Variants in DUOXA2 observed in about 807,000 individuals in gnomAD.
DUOXA2 encodes the protein dual oxidase maturation factor 2.
DUOXA2 carries 22 observed loss-of-function variants against 27.6 expected under a neutral mutation model. That is an observed-to-expected ratio of 0.80 (90% CI 0.57 to 1.14). The LOEUF (loss-of-function observed/expected upper bound fraction) is 1.14. DUOXA2 is among the 50% of genes most tolerant of loss of function. The pLI, the probability that DUOXA2 is intolerant of heterozygous loss-of-function variation, is 0.00. For synonymous variants in DUOXA2, 188 were observed against 184.4 expected (o/e 1.02, Z -0.16); for missense variants, 481 against 419.9 (o/e 1.15, Z -1.27).
rs1894553843 is a variant in DUOXA2, at chr15:45,114,598, C to G, written c.-8C>G. ...CCGCCTGCGTGCAGCACTCGGCCGG[C>G]GTGCAGCATGACCCTGTGGAACGGC... On this transcript the variant is annotated 5_prime_UTR_variant, in exon 1 of 6. Transcript: ENST00000323030. The G allele has an allele frequency of 6.2e-7, 1 of 1,613,554 alleles. No individual in the cohort carries two copies. The highest frequency in any genetic ancestry group is 8.5e-7 in the Non-Finnish European group (1 of 1,179,966).
In DUOXA2 at chr15:45,117,237, C is replaced by T. The variant is rs1280998645; in HGVS notation, c.701C>T (p.Pro234Leu). 1.2e-6 allele frequency: 2 copies of T among 1,610,500 alleles called. No individual in the cohort carries two copies. The highest frequency in any genetic ancestry group is 1.7e-6 in the Non-Finnish European group (2 of 1,179,584). ...TCCATCTCTAGCGTGCCGCTCTGCCCGCTCCGCCTAGGCTCCTCCGCGCTC... is the reference window on the plus strand; with the variant it reads ...TCCATCTCTAGCGTGCCGCTCTGCCTGCTCCGCCTAGGCTCCTCCGCGCTC... ...LASISSVPLC[P>L]LRLGSSALTT... Residue 234 changes from proline to leucine, a missense_variant, in exon 5 of 6, where the codon CCG becomes CTG. Pro to Leu is a moderately conservative substitution (Grantham distance 98). Transcript: ENST00000323030.
Position 45,114,573 on chromosome 15 carries a change from C to T in DUOXA2, c.-33C>T, listed in dbSNP as rs1258869621. The T allele has an allele frequency of 6.2e-7, 1 of 1,612,140 alleles. No individual in the cohort carries two copies. The highest frequency in any genetic ancestry group is 1.3e-5 in the African/African-American group (1 of 74,934). On this transcript the variant is annotated 5_prime_UTR_variant, in exon 1 of 6. Coordinates refer to ENST00000323030, the MANE Select transcript of DUOXA2 (RefSeq NM_207581.4). ...AGCCCCAGCTTGCTGGCTTGCCTGC[C>T]CGCCTGCGTGCAGCACTCGGCCGGC...
rs1427689503 is a variant in DUOXA2 at position 45,118,141 on chromosome 15, G to C, written c.*232G>C. The C allele has an allele frequency of 2.8e-6, 4 of 1,439,238 alleles. No individual in the cohort carries two copies. The highest frequency in any genetic ancestry group is 2.9e-5 in the African/African-American group (2 of 69,868). 89.2% of individuals were successfully genotyped at this position (1,439,238 alleles called of 1,614,324 possible). ...CCATTAATTTTCATGGCTTCTCCGC[G>C]CCGGGGTCGCACGTCCTCATGAGCT... is the stretch of plus-strand genomic sequence containing the variant. On this transcript the variant is annotated 3_prime_UTR_variant, in exon 6 of 6. Coordinates refer to ENST00000323030, the MANE Select transcript of DUOXA2 (RefSeq NM_207581.4).
chr15:45,117,110 C>T lies in DUOXA2; in HGVS notation c.574C>T (p.Leu192Phe). 6.3e-7 allele frequency: 1 copy of T among 1,599,730 alleles called. No individual in the cohort carries two copies. Among genetic ancestry groups the T allele is most frequent in the Non-Finnish European group, 8.5e-7 (1 of 1,179,874 alleles). ...CGGCAGGGTGGCGTTCTGCTTCTGG[C>T]TCCTCTCCAACGTGCTGCTCTCCAC... ...ATLWVAFCFW[L>F]LSNVLLSTPA... is the part of the protein sequence containing the mutation. Residue 192 changes from leucine (L) to phenylalanine (F), a missense_variant, in exon 5 of 6, where the codon CTC becomes TTC. By Grantham distance (22) the Leu-to-Phe change is conservative. Coordinates refer to ENST00000323030, the MANE Select transcript of DUOXA2 (RefSeq NM_207581.4).
In DUOXA2 at chr15:45,118,189, G is replaced by A; in HGVS notation, c.*280G>A. Reference sequence around the variant, plus strand: ...GCTTCGCTGGGCTGGAGACAGCCTAGTACACTCTCCGCAGTGCTGTGAAAC... The same window carrying A: ...GCTTCGCTGGGCTGGAGACAGCCTAATACACTCTCCGCAGTGCTGTGAAAC... On this transcript the variant is annotated 3_prime_UTR_variant, in exon 6 of 6. Transcript: ENST00000323030. 1 of 1,431,508 alleles carries A rather than the reference G, an allele frequency of 7.0e-7. No homozygotes were observed. The highest frequency in any genetic ancestry group is 9.1e-7 in the Non-Finnish European group (1 of 1,098,278). 88.7% of individuals were successfully genotyped at this position (1,431,508 alleles called of 1,614,324 possible). A position where few individuals can be genotyped will look rare whatever the true frequency, so the allele number is the denominator to read the frequency against.
chr15:45,117,228 C>G lies in DUOXA2; in HGVS notation c.692C>G (p.Pro231Arg), dbSNP rs762772063. Reference protein sequence around the residue: ...VFALASISSVPLCPLRLGSSA... With the variant: ...VFALASISSVRLCPLRLGSSA... The stretch of plus-strand genomic sequence containing the variant: ...GCCTTGGCCTCCATCTCTAGCGTGC[C>G]GCTCTGCCCGCTCCGCCTAGGCTCC... Residue 231 changes from proline (P) to arginine (R), a missense_variant, in exon 5 of 6, where the codon CCG (proline) becomes CGG (arginine). Transcript: ENST00000323030. The G allele has an allele frequency of 3.1e-6, 5 of 1,610,160 alleles. No individual in the cohort carries two copies. Among genetic ancestry groups the G allele is most frequent in the Non-Finnish European group, 4.2e-6 (5 of 1,179,648 alleles).
In DUOXA2 at chr15:45,118,286, A is replaced by T. The variant is rs1775024105; in HGVS notation, c.*377A>T. 2.8e-5 allele frequency: 37 copies of T among 1,337,116 alleles called. No homozygotes were observed. The highest frequency in any genetic ancestry group is 3.3e-5 in the Non-Finnish European group (35 of 1,048,580). The allele number at this position is 1,337,116 out of a possible 1,614,324, so 82.8% of individuals were successfully genotyped here. A position where few individuals can be genotyped will look rare whatever the true frequency, so the allele number is the denominator to read the frequency against. On this transcript the variant is annotated 3_prime_UTR_variant, in exon 6 of 6. Coordinates refer to ENST00000323030, the MANE Select transcript of DUOXA2 (RefSeq NM_207581.4). ...AGGCCGGAGGGACCCTACCAGAGCT[A>T]GCATCTTTCTGAACCACCCCAGGGG...
Position 45,114,487 on chromosome 15 carries a change from C to A in DUOXA2, c.-119C>A. Reference sequence around the variant, plus strand: ...GGTGCAGGACTCAGACTTCACCAGCCCACTCGGTCCCAGCCTTGTACGCAA... The same window carrying A: ...GGTGCAGGACTCAGACTTCACCAGCACACTCGGTCCCAGCCTTGTACGCAA... On this transcript the variant is annotated 5_prime_UTR_variant, in exon 1 of 6. Coordinates refer to ENST00000323030, the MANE Select transcript of DUOXA2 (RefSeq NM_207581.4). The A allele has an allele frequency of 7.1e-7, 1 of 1,402,920 alleles. No homozygotes were observed. Among genetic ancestry groups the A allele is most frequent in the Non-Finnish European group, 9.8e-7 (1 of 1,023,542 alleles). 86.9% of individuals were successfully genotyped at this position (1,402,920 alleles called of 1,614,324 possible).
At chr15:45,115,303 T>C in intron 1 of DUOXA2, 3 of 383,654 alleles carry the variant, frequency 7.8e-6, no homozygotes, top group South Asian at 5.7e-5. Flanking sequence ...TTTTCAGTTC[T>C]GGGAGGACCC....
intron 5 of DUOXA2, 174 bp from the exon 6 acceptor site, chr15:45,117,542 A>G (rs1169869484): frequency 1.3e-6 from 2 of 1,568,882 alleles, no homozygotes; most frequent in Non-Finnish European, 1.7e-6. Context: ...GGCGGGAGGT[A>G]ACACAAGGGG....
rs1595537941 is a variant in DUOXA2, at chr15:45,117,840, T to C, written c.894T>C (p.Leu298=). The part of the protein sequence containing the change: ...DCSQERGGSP[L]ILGDPLHKQA... Reference sequence around the variant, plus strand: ...GCCAGGAGAGAGGGGGCTCACCTCTTATCCTCGGCGACCCACTGCACAAGC... The same window carrying C: ...GCCAGGAGAGAGGGGGCTCACCTCTCATCCTCGGCGACCCACTGCACAAGC... The change falls in exon 6 of 6, where the codon CTT becomes CTC. Residue 298 remains leucine (L), a synonymous_variant. Transcript: ENST00000323030. 1 of 1,612,174 alleles carries C rather than the reference T, an allele frequency of 6.2e-7. No homozygotes were observed. The highest frequency in any genetic ancestry group is 8.5e-7 in the Non-Finnish European group (1 of 1,180,022).
At position 45,117,299 on chromosome 15, in the gene DUOXA2, G is replaced by C; in HGVS notation, c.763G>C (p.Ala255Pro). 2 of 1,594,862 alleles carry C rather than the reference G, an allele frequency of 1.3e-6. No homozygotes were observed. The highest frequency in any genetic ancestry group is 1.7e-6 in the Non-Finnish European group (2 of 1,168,366). Residue 255 changes from alanine to proline, a missense_variant, in exon 5 of 6, where the codon GCA (alanine) becomes CCA (proline). Transcript: ENST00000323030. ...CGGCGCCGCCTTCTGGGTCACGCTG[G>C]CAACCGGTGAGGACCGAGAGAATGG... ...QYGAAFWVTLATGVLCLFLGG... is the reference protein window; with the variant it reads ...QYGAAFWVTLPTGVLCLFLGG...
intron 5 of DUOXA2, 101 bp downstream of exon 5, chr15:45,117,406 C>T: frequency 1.3e-6 from 2 of 1,509,206 alleles, no homozygotes; most frequent in Non-Finnish European, 1.8e-6. Context: ...ATCTATTACC[C>T]TATTTGCCCC....
rs781608297 is a variant in DUOXA2, at chr15:45,118,088, T to G, written c.*179T>G. 2 of 1,514,486 alleles carry G rather than the reference T, an allele frequency of 1.3e-6. No individual in the cohort carries two copies. Among genetic ancestry groups the G allele is most frequent in the Non-Finnish European group, 1.8e-6 (2 of 1,133,788 alleles). The allele number at this position is 1,514,486 out of a possible 1,614,324, so 93.8% of individuals were successfully genotyped here. ...GGGCGATCTGTAAATAAACCTTTTT[T>G]TCTTTTGTTTTTTAAAAACTGTTTT... On this transcript the variant is annotated 3_prime_UTR_variant, in exon 6 of 6. Coordinates refer to ENST00000323030, the MANE Select transcript of DUOXA2 (RefSeq NM_207581.4).
At position 45,116,614 on chromosome 15, in the gene DUOXA2, G is replaced by A. The variant is rs1395616761; in HGVS notation, c.439G>A (p.Glu147Lys). 2 of 1,613,998 alleles carry A rather than the reference G, an allele frequency of 1.2e-6. No homozygotes were observed. Among genetic ancestry groups the A allele is most frequent in the South Asian group, 1.1e-5 (1 of 91,086 alleles). ...NYAAEYANALEKGLPDPVLYL... is the reference protein window; with the variant it reads ...NYAAEYANALKKGLPDPVLYL... ...CGCCGCGGAGTACGCGAACGCACTG[G>A]AGAAGGGGCTGCCGGACCCAGTGCT... The change falls in exon 4 of 6, where the codon GAG becomes AAG. Residue 147 changes from glutamate to lysine, a missense_variant. Transcript: ENST00000323030.
Position 45,118,178 on chromosome 15 carries a change from G to T in DUOXA2, c.*269G>T. 1 of 1,435,638 alleles carries T rather than the reference G, an allele frequency of 7.0e-7. No individual in the cohort carries two copies. The highest frequency in any genetic ancestry group is 1.5e-5 in the South Asian group (1 of 66,692). The allele number at this position is 1,435,638 out of a possible 1,614,324, so 88.9% of individuals were successfully genotyped here. ...CGTCCTCATGAGCTTCGCTGGGCTG[G>T]AGACAGCCTAGTACACTCTCCGCAG... On this transcript the variant is annotated 3_prime_UTR_variant, in exon 6 of 6. Transcript: ENST00000323030.
chr15:45,117,960 A>G lies in DUOXA2; in HGVS notation c.*51A>G. 2 of 1,612,780 alleles carry G rather than the reference A, an allele frequency of 1.2e-6. No individual in the cohort carries two copies. The highest frequency in any genetic ancestry group is 1.7e-6 in the Non-Finnish European group (2 of 1,179,714). Reference sequence around the variant, plus strand: ...CCGCCTTGGGACATCGCAGGCCGGGAAGCAGTGCCCGCCAGGCCTGGGCCA... The same window carrying G: ...CCGCCTTGGGACATCGCAGGCCGGGGAGCAGTGCCCGCCAGGCCTGGGCCA... On this transcript the variant is annotated 3_prime_UTR_variant, in exon 6 of 6. Transcript: ENST00000323030.
At chr15:45,115,557 A>C in intron 1 of DUOXA2, 1 of 668,380 alleles carries the variant, frequency 1.5e-6, no homozygotes, top group Non-Finnish European at 2.8e-6. Flanking sequence ...AGTGCCAGGA[A>C]GTGGGGGTGG....
In DUOXA2 at chr15:45,116,152, G is replaced by A. The variant is rs772299552; in HGVS notation, c.234G>A (p.Val78=). 6 of 1,613,810 alleles carry A rather than the reference G, an allele frequency of 3.7e-6. No individual in the cohort carries two copies. Among genetic ancestry groups the A allele is most frequent in the East Asian group, 2.2e-5 (1 of 44,878 alleles). The change falls in exon 3 of 6, where the codon GTG becomes GTA. Residue 78 remains valine, a synonymous_variant. Coordinates refer to ENST00000323030, the MANE Select transcript of DUOXA2 (RefSeq NM_207581.4). ...VAVHFSAEWF[V]GTVNTNTSYK... The stretch of plus-strand genomic sequence containing the variant: ...TGCACTTCAGTGCAGAATGGTTCGT[G>A]GGTACAGTGAACACCAACACATCCT...
Sources: allele counts gnomAD v4.1 joint callset, GRCh38; gene constraint gnomAD v4.1.1; transcripts MANE v1.5; gene names NCBI Gene and HGNC (gene_info 2026-07-23, HGNC 2026-07-21).